Variants in GALNTL6 observed in about 807,000 individuals in gnomAD.
The protein encoded by GALNTL6 is polypeptide N-acetylgalactosaminyltransferase like 6.
A neutral mutation model predicts 73.7 loss-of-function variants in GALNTL6; 46 were observed. That is an observed-to-expected ratio of 0.62 (90% CI 0.49 to 0.80). The LOEUF (loss-of-function observed/expected upper bound fraction) is 0.80, where lower values mean the gene tolerates loss of function less well. Ranked by LOEUF, GALNTL6 falls within the 30% of genes least tolerant of loss-of-function variation. GALNTL6 has a pLI of 0.00. For missense variants in GALNTL6, 604 were observed against 755.0 expected (o/e 0.80, Z 2.34); for synonymous variants, 259 against 263.7 (o/e 0.98, Z 0.17).
At chr4:172,966,436 G>A (rs79410852) in intron 10 of GALNTL6, among the ~76,000 whole-genome samples, 2 of 150,080 alleles carry the variant, frequency 1.3e-5, no homozygotes, top group South Asian at 4.3e-4. Context: ...GCTCTGTCAC[G>A]CAGGCTGGAG....
At chr4:172,394,135 C>T (rs1177692413) in intron 5 of GALNTL6, among the ~76,000 whole-genome samples, 1 of 152,032 alleles carries the variant, frequency 6.6e-6, no homozygotes, top group East Asian at 1.9e-4. Flanking sequence ...CTTTACACCA[C>T]AACTTTATAA....
chr4:172,488,742 A>C (rs1045216020), intron 5 of GALNTL6, among the ~76,000 whole-genome samples: 7 of 151,440 alleles, frequency 4.6e-5, no homozygotes, highest in Non-Finnish European at 7.4e-5. Context: ...ACTTGATAGA[A>C]GCGTCAAAGA....
At chr4:172,124,094 G>A (rs1255446548) in intron 2 of GALNTL6, among the ~76,000 whole-genome samples, 4 of 152,120 alleles carry the variant, frequency 2.6e-5, no homozygotes, top group Non-Finnish European at 5.9e-5. Context: ...GTTATAATCA[G>A]CAATTGACAA....
intron 5 of GALNTL6, among the ~76,000 whole-genome samples, chr4:172,447,758 C>T (rs1732076678): frequency 6.6e-6 from 1 of 151,976 alleles, no homozygotes; most frequent in African/African-American, 2.4e-5. Context: ...ATATATACTG[C>T]TTAATGTGGG....
At chr4:172,210,873 A>G (rs1736302314) in intron 2 of GALNTL6, among the ~76,000 whole-genome samples, 1 of 152,194 alleles carries the variant, frequency 6.6e-6, no homozygotes, top group Non-Finnish European at 1.5e-5. Flanking sequence ...TCATTTGTTT[A>G]TATCAGTATA....
At chr4:171,922,998 T>A (rs1737840729) in intron 2 of GALNTL6, among the ~76,000 whole-genome samples, 1 of 152,026 alleles carries the variant, frequency 6.6e-6, no homozygotes, top group African/African-American at 2.4e-5. Flanking sequence ...TTACATAAAT[T>A]GTTGTGTAAA....
chr4:172,737,735 T>C (rs1736552881), intron 5 of GALNTL6, among the ~76,000 whole-genome samples: 1 of 151,644 alleles, frequency 6.6e-6, no homozygotes, highest in South Asian at 2.1e-4. Flanking sequence ...CAGTTGTCTC[T>C]GTCTAACTTG....
chr4:171,929,643 C>T (rs1738112527), intron 2 of GALNTL6, among the ~76,000 whole-genome samples: 1 of 152,224 alleles, frequency 6.6e-6, no homozygotes, highest in Non-Finnish European at 1.5e-5. Flanking sequence ...GCTTGGCAGC[C>T]AATCTGGTCA....
chr4:172,573,743 G>C (rs1324745694), intron 5 of GALNTL6, among the ~76,000 whole-genome samples: 1 of 152,094 alleles, frequency 6.6e-6, no homozygotes, highest in African/African-American at 2.4e-5. Context: ...AGCATGACCA[G>C]GGCTATATCT....
chr4:172,697,332 A>G (rs1733757995), intron 5 of GALNTL6, among the ~76,000 whole-genome samples: 1 of 152,200 alleles, frequency 6.6e-6, no homozygotes, highest in Non-Finnish European at 1.5e-5. Context: ...CCCATGTCTC[A>G]TCCTTAACTA....
intron 3 of GALNTL6, chr4:172,266,479 T>C (rs975343362): frequency 6.6e-6 from 1 of 152,130 alleles, no homozygotes; most frequent in Non-Finnish European, 1.5e-5. Context: ...AAAAATTGGT[T>C]ACAAAGTAGA....
rs138229313 is a variant in GALNTL6, at chr4:172,282,080, C to A, written c.248-29534C>A. Reference sequence around the variant, plus strand: ...CTGAATTACAATATAATTAAAGCTTCTGTTCATCAAAATGTATTGAGTGAA... The same window carrying A: ...CTGAATTACAATATAATTAAAGCTTATGTTCATCAAAATGTATTGAGTGAA... On this transcript the variant is annotated intron_variant, in intron 3 of 12. Transcript: ENST00000506823. 4.9e-4 allele frequency among the ~76,000 whole-genome samples: 74 copies of A among 152,252 alleles called. 1 individual carries two copies. In the East Asian group the frequency reaches 0.014, roughly 28 times the overall value.
At chr4:171,936,859 C>T (rs1578987696) in intron 2 of GALNTL6, among the ~76,000 whole-genome samples, 2 of 152,072 alleles carry the variant, frequency 1.3e-5, no homozygotes, top group South Asian at 4.1e-4. Flanking sequence ...CTCTAATTTG[C>T]TAACACACTA....
At chr4:172,410,951 G>T (rs1355859615) in intron 5 of GALNTL6, among the ~76,000 whole-genome samples, 1 of 152,078 alleles carries the variant, frequency 6.6e-6, no homozygotes, top group East Asian at 1.9e-4. Context: ...CTAAATAAAT[G>T]CAAGAGTAGC....
intron 2 of GALNTL6, among the ~76,000 whole-genome samples, chr4:171,886,101 TA>T (rs573700612): frequency 6.6e-6 from 1 of 151,972 alleles, no homozygotes; most frequent in African/African-American, 2.4e-5. Flanking sequence ...TCTACATAAT[TA>T]AAAAAATACC....
At chr4:173,030,837 CAAAA>C (rs34361684) in intron 12 of GALNTL6, among the ~76,000 whole-genome samples, 3 of 111,908 alleles carry the variant, frequency 2.7e-5, no homozygotes, top group Admixed American at 9.2e-5. Context: ...CTGTCTCTAC[CAAAA>C]AAAAAAAAAA....
intron 7 of GALNTL6, among the ~76,000 whole-genome samples, chr4:172,864,936 A>G (rs1744586595): frequency 6.6e-6 from 1 of 152,214 alleles, no homozygotes; most frequent in South Asian, 2.1e-4. Flanking sequence ...TATCAGGGGA[A>G]CAATAGCCAT....
At chr4:172,314,600 C>CTTTTTTTTT (rs773057515) in intron 4 of GALNTL6, among the ~76,000 whole-genome samples, 17 of 70,706 alleles carry the variant, frequency 2.4e-4, no homozygotes, top group East Asian at 5.0e-4. Flanking sequence ...AATGCGTAGG[C>CTTTTTTTTT]TTTTTTTTTT....
chr4:172,501,121 G>T (rs1734247892), intron 5 of GALNTL6, among the ~76,000 whole-genome samples: 1 of 152,162 alleles, frequency 6.6e-6, no homozygotes, highest in Non-Finnish European at 1.5e-5. Flanking sequence ...CATAACTGGT[G>T]AAATCTGTAT....
Sources: gnomAD v4.1 joint callset for allele counts (sites outside exome capture counted in the v4.1 genomes callset) on GRCh38, gnomAD v4.1.1 for gene constraint, MANE v1.5 for transcripts, NCBI Gene and HGNC (gene_info 2026-07-23, HGNC 2026-07-21) for gene names.